Variants in SPTA1 observed in about 807,000 individuals in gnomAD.
SPTA1 encodes the protein spectrin alpha chain, erythrocytic 1.
Under a neutral mutation model 324.7 loss-of-function variants are expected in SPTA1, and 177 were observed. The observed-to-expected ratio is 0.55, with a 90% confidence interval of 0.48 to 0.62. The LOEUF (loss-of-function observed/expected upper bound fraction) is 0.62, where lower values mean the gene tolerates loss of function less well. SPTA1 is among the 20% of genes least tolerant of loss of function. SPTA1 has a pLI of 0.00. For synonymous variants in SPTA1, 1,195 were observed against 1,041.3 expected (o/e 1.15, Z -2.84); for missense variants, 3,162 against 2,883.6 (o/e 1.10, Z -2.21).
At position 158,653,432 on chromosome 1, in the gene SPTA1, G is replaced by A. The variant is rs1211950580; in HGVS notation, c.3037-7C>T. 1 of 1,613,930 alleles carries A rather than the reference G, an allele frequency of 6.2e-7. No homozygotes were observed. The highest frequency in any genetic ancestry group is 8.5e-7 in the Non-Finnish European group (1 of 1,179,986). ...CTTCCACCTTCCACCAGTCCTGAAGGGAGAGCAGATCCCCACTCCGTCATT... is the reference window on the plus strand; with the variant it reads ...CTTCCACCTTCCACCAGTCCTGAAGAGAGAGCAGATCCCCACTCCGTCATT... On this transcript the variant is annotated splice_polypyrimidine_tract_variant and splice_region_variant and intron_variant, in intron 21 of 51. Transcript: ENST00000643759.
At position 158,620,376 on chromosome 1, in the gene SPTA1, G is replaced by T. The variant is rs374496114; in HGVS notation, c.6211C>A (p.His2071Asn). The T allele has an allele frequency of 8.7e-6, 14 of 1,613,928 alleles. No homozygotes were observed. The African/African-American group carries it at 1.9e-4, about 22-fold the overall frequency. Residue 2071 changes from histidine (H) to asparagine (N), a missense_variant, in exon 44 of 52, where the codon CAC (histidine) becomes AAC (asparagine). Transcript: ENST00000643759. ...KMEENLSEPV[H>N]CVSLNEIRQL... is the part of the protein sequence containing the mutation. ...CGAATTTCATTCAGGGAGACACAGT[G>T]CACAGGCTCTGACAAGTTTTCTTCC... is the stretch of plus-strand genomic sequence containing the variant.
chr1:158,682,576 GA>G (rs1361120292), intron 3 of SPTA1, among the ~76,000 whole-genome samples: 2 of 152,130 alleles, frequency 1.3e-5, no homozygotes, highest in Non-Finnish European at 2.9e-5. Flanking sequence ...TTTGATGACA[GA>G]ATGGGCTAGA....
In SPTA1 at chr1:158,642,870, T is replaced by C. The variant is rs762910040; in HGVS notation, c.4549A>G (p.Ser1517Gly). The C allele has an allele frequency of 1.2e-6, 2 of 1,613,920 alleles. No homozygotes were observed. Among genetic ancestry groups the C allele is most frequent in the Non-Finnish European group, 1.7e-6 (2 of 1,179,864 alleles). ...TCACAGGCTGTGGGCAGCATCTCAC[T>C]GATCCATTCTTCCAGCTCCTCAAGG... is the stretch of plus-strand genomic sequence containing the variant. ...RDLEELEEWI[S>G]EMLPTACDES... The change falls in exon 32 of 52, where the codon AGT becomes GGT. Residue 1517 changes from serine to glycine, a missense_variant. By Grantham distance (56) the Ser-to-Gly change is moderately conservative (BLOSUM62 0). Transcript: ENST00000643759.
chr1:158,660,614 T>A (rs1462179752), intron 18 of SPTA1, among the ~76,000 whole-genome samples: 1 of 152,206 alleles, frequency 6.6e-6, no homozygotes. Flanking sequence ...CAGTTGTTGG[T>A]TTGAATCACT....
chr1:158,677,385 A>G (rs1454188829), intron 7 of SPTA1, among the ~76,000 whole-genome samples: 1 of 152,210 alleles, frequency 6.6e-6, no homozygotes, highest in Non-Finnish European at 1.5e-5. Context: ...CAGTGAGATT[A>G]GGAATCAACC....
chr1:158,668,043 C>A lies in SPTA1; in HGVS notation c.1853G>T (p.Ser618Ile), dbSNP rs1373740369. ...AAAGACTTGCTGCTTTTGAACCCTG[C>A]TCTTCAAGTTCTGTATGTCCTGAGA... ...EDYKDIQNLK[S>I]RVQKQQVFEK... Residue 618 changes from serine to isoleucine, a missense_variant, in exon 15 of 52, where the codon AGC becomes ATC. Coordinates refer to ENST00000643759, the MANE Select transcript of SPTA1 (RefSeq NM_003126.4). 4.3e-6 allele frequency: 7 copies of A among 1,610,282 alleles called. No individual in the cohort carries two copies. Among genetic ancestry groups the A allele is most frequent in the Non-Finnish European group, 5.9e-6 (7 of 1,179,434 alleles).
At chr1:158,627,030 T>C (rs1018275341) in intron 40 of SPTA1, 23 bp from the exon 41 acceptor site, 5 of 1,613,228 alleles carry the variant, frequency 3.1e-6, no homozygotes, top group South Asian at 1.1e-5. Context: ...GAGAGACAAA[T>C]ATATTTATAA....
chr1:158,664,003 C>T (rs893872192), intron 16 of SPTA1, among the ~76,000 whole-genome samples: 2 of 151,922 alleles, frequency 1.3e-5, no homozygotes, highest in Non-Finnish European at 2.9e-5. Flanking sequence ...AAAATATGGA[C>T]TATCAGTAAC....
Position 158,638,183 on chromosome 1 carries a change from T to C in SPTA1, c.5039A>G (p.Asn1680Ser), listed in dbSNP as rs1429723530. ...AEDLLSSGTF[N>S]VDQIVKKKDN... ...TTTTTTCTTCACAATCTGATCAACG[T>C]TGAAAGTCCCGCTGGAGAGCAAATC... Residue 1680 changes from asparagine (N) to serine (S), a missense_variant, in exon 36 of 52, where the codon AAC becomes AGC. Asn to Ser is a conservative substitution (Grantham distance 46). Coordinates refer to ENST00000643759, the MANE Select transcript of SPTA1 (RefSeq NM_003126.4). 6.2e-7 allele frequency: 1 copy of C among 1,613,900 alleles called. No homozygotes were observed. Among genetic ancestry groups the C allele is most frequent in the Non-Finnish European group, 8.5e-7 (1 of 1,179,950 alleles).
rs1336318437 is a variant in SPTA1 at position 158,644,244 on chromosome 1, C to A, written c.4338+9G>T. On this transcript the variant is annotated intron_variant, in intron 30 of 51. Transcript: ENST00000643759. ...TTATTATTTTAATTCCTTTACTAGT[C>A]ATTATTACCTGGGCAGTGATTGCTT... 1 of 1,613,482 alleles carries A rather than the reference C, an allele frequency of 6.2e-7. No homozygotes were observed. The highest frequency in any genetic ancestry group is 2.2e-5 in the East Asian group (1 of 44,856).
In SPTA1 at chr1:158,674,413, G is replaced by C. The variant is rs369020197; in HGVS notation, c.1266C>G (p.Tyr422Ter). ...CATCAGCAGATTGAAATCGGTCATC[G>C]TAAGAGTCAATCTCATGCTGTGGCC... is the stretch of plus-strand genomic sequence containing the variant. ...HQQHKHEIDS[Y>*]DDRFQSADET... The change falls in exon 10 of 52, where the codon TAC (tyrosine) becomes TAG (stop). Residue 422 changes from tyrosine to a stop codon, truncating the protein, a stop_gained. Transcript: ENST00000643759. LOFTEE classifies it high-confidence loss of function. The C allele has an allele frequency of 1.9e-6, 3 of 1,613,944 alleles. No homozygotes were observed. Among genetic ancestry groups the C allele is most frequent in the Non-Finnish European group, 8.5e-7 (1 of 1,179,986 alleles).
chr1:158,662,615 A>C, intron 17 of SPTA1, 87 bp downstream of exon 17: 1 of 1,581,766 alleles, frequency 6.3e-7, no homozygotes, highest in African/African-American at 1.3e-5. Flanking sequence ...CAAGCTTTCT[A>C]GACTCCAACT....
At chr1:158,614,121 G>A (rs1649415350) in intron 49 of SPTA1, 132 bp downstream of exon 49, 1 of 812,790 alleles carries the variant, frequency 1.2e-6, no homozygotes, top group African/African-American at 1.7e-5. Context: ...GCCATGACTG[G>A]AGCTAATGAG....
rs1651681976 is a variant in SPTA1, at chr1:158,642,531, C to T, written c.4617G>A (p.Leu1539=). ...CTTCATGTGCAAAGGTCTGGTGTTT[C>T]AGGTATTTCCTCTGAAGGGAAAATG... ...KDATNIQRKY[L]KHQTFAHEVD... is the part of the protein sequence containing the mutation. The change falls in exon 33 of 52, where the codon CTG becomes CTA. Residue 1539 remains leucine, a synonymous_variant. Transcript: ENST00000643759. 6.2e-7 allele frequency: 1 copy of T among 1,613,308 alleles called. No individual in the cohort carries two copies. The highest frequency in any genetic ancestry group is 1.3e-5 in the African/African-American group (1 of 74,810).
intron 6 of SPTA1, 79 bp downstream of exon 6, chr1:158,678,322 G>T: frequency 6.3e-7 from 1 of 1,585,552 alleles, no homozygotes. Flanking sequence ...GCTAACAGAA[G>T]TAGAAAGAGC....
chr1:158,628,418 G>T (rs1650433531), intron 39 of SPTA1, among the ~76,000 whole-genome samples: 1 of 151,990 alleles, frequency 6.6e-6, no homozygotes. Flanking sequence ...TAGTAAGTCA[G>T]GTTAAAGGAA....
At chr1:158,671,180 CAAAT>C (rs1373238542) in intron 12 of SPTA1, among the ~76,000 whole-genome samples, 159 bp downstream of exon 12, 3 of 152,050 alleles carry the variant, frequency 2.0e-5, no homozygotes, top group South Asian at 2.1e-4. Flanking sequence ...GAAAAACACA[CAAAT>C]AAACACACCA....
At position 158,685,089 on chromosome 1, in the gene SPTA1, A is replaced by G; in HGVS notation, c.264+19T>C. The G allele has an allele frequency of 6.2e-7, 1 of 1,613,524 alleles. No homozygotes were observed. Among genetic ancestry groups the G allele is most frequent in the Non-Finnish European group, 8.5e-7 (1 of 1,179,636 alleles). ...AGATCTTAGGGTCTGCTCTGAGGCA[A>G]TCAAGAGAACTGAGTGACCTGTATA... is the stretch of plus-strand genomic sequence containing the variant. On this transcript the variant is annotated intron_variant, in intron 2 of 51. Coordinates refer to ENST00000643759, the MANE Select transcript of SPTA1 (RefSeq NM_003126.4).
At chr1:158,647,465 C>T (rs1652080139) in intron 27 of SPTA1, 74 bp downstream of exon 27, 1 of 1,581,764 alleles carries the variant, frequency 6.3e-7, no homozygotes, top group African/African-American at 1.3e-5. Context: ...CAGCAGTGAA[C>T]AGCATCTGTA....
Sources: gnomAD v4.1 joint callset for allele counts (sites outside exome capture counted in the v4.1 genomes callset) on GRCh38, gnomAD v4.1.1 for gene constraint, MANE v1.5 for transcripts, NCBI Gene and HGNC (gene_info 2026-07-23, HGNC 2026-07-21) for gene names.